Variants in LPGAT1 observed in about 807,000 individuals in gnomAD.
LPGAT1 encodes the protein acyl-CoA:lysophosphatidylglycerol acyltransferase 1.
LPGAT1 carries 11 observed loss-of-function variants against 47.5 expected under a neutral mutation model. That is an observed-to-expected ratio of 0.23 (90% CI 0.15 to 0.38). LPGAT1 has a LOEUF of 0.38. Ranked by LOEUF, LPGAT1 falls within the 10% of genes least tolerant of loss-of-function variation. The pLI, the probability that LPGAT1 is intolerant of heterozygous loss-of-function variation, is 1.00. For missense variants in LPGAT1, 293 were observed against 439.0 expected (o/e 0.67, Z 2.97); for synonymous variants, 138 against 144.2 (o/e 0.96, Z 0.31).
chr1:211,801,229 AT>A (rs773202173), intron 2 of LPGAT1, among the ~76,000 whole-genome samples: 1 of 152,188 alleles, frequency 6.6e-6, no homozygotes, highest in Non-Finnish European at 1.5e-5. Flanking sequence ...AGAAAAGAAT[AT>A]TCTTATCACC....
chr1:211,816,001 G>A (rs184179293), intron 2 of LPGAT1, among the ~76,000 whole-genome samples: 147 of 151,802 alleles, frequency 9.7e-4, no homozygotes, highest in African/African-American at 3.3e-3. Flanking sequence ...CAGGATAGTC[G>A]CAATCTCTTG....
At chr1:211,810,118 T>A (rs1392554276) in intron 2 of LPGAT1, among the ~76,000 whole-genome samples, 8 of 152,130 alleles carry the variant, frequency 5.3e-5, no homozygotes, top group Admixed American at 5.2e-4. Context: ...CCTGCCTGAA[T>A]GAATTAGTTG....
chr1:211,804,865 A>G (rs2102576400), intron 2 of LPGAT1, among the ~76,000 whole-genome samples: 1 of 152,250 alleles, frequency 6.6e-6, no homozygotes, highest in South Asian at 2.1e-4. Context: ...ACGTTAAGTC[A>G]CAAAAGCAAA....
At chr1:211,750,605 T>C (rs1394496746) in intron 7 of LPGAT1, among the ~76,000 whole-genome samples, 3 of 152,250 alleles carry the variant, frequency 2.0e-5, no homozygotes, top group Non-Finnish European at 4.4e-5. Context: ...AAAGTAGTTG[T>C]ATAACACTGA....
At chr1:211,807,920 T>TG (rs1344157377) in intron 2 of LPGAT1, among the ~76,000 whole-genome samples, 25 of 152,268 alleles carry the variant, frequency 1.6e-4, no homozygotes, top group Admixed American at 5.2e-4. Flanking sequence ...TATTCTGGCT[T>TG]GGGGGCTGCC....
chr1:211,806,566 T>G (rs970380936), intron 2 of LPGAT1, among the ~76,000 whole-genome samples: 2 of 152,138 alleles, frequency 1.3e-5, no homozygotes, highest in Non-Finnish European at 2.9e-5. Flanking sequence ...AAGCTACCTA[T>G]TAGGTACTGT....
chr1:211,779,771 G>A (rs1455173313), intron 5 of LPGAT1, among the ~76,000 whole-genome samples: 1 of 152,020 alleles, frequency 6.6e-6, no homozygotes. Context: ...GCAATCACTT[G>A]AACCCAGGAG....
intron 2 of LPGAT1, among the ~76,000 whole-genome samples, chr1:211,823,619 C>A (rs142066827): frequency 6.8e-4 from 104 of 152,134 alleles, no homozygotes; most frequent in African/African-American, 2.4e-3. Flanking sequence ...CCACAGATAA[C>A]TGAAGTTCAA....
intron 6 of LPGAT1, 33 bp downstream of exon 6, chr1:211,778,885 G>A: frequency 6.6e-7 from 1 of 1,516,288 alleles, no homozygotes; most frequent in Non-Finnish European, 8.8e-7. Context: ...AGTATTGTTG[G>A]ATATATACTG....
intron 3 of LPGAT1, 83 bp from the exon 4 acceptor site, chr1:211,787,810 A>G (rs1447941581): frequency 1.2e-6 from 1 of 800,414 alleles, no homozygotes; most frequent in East Asian, 2.6e-5. Flanking sequence ...TTTAAATATA[A>G]TCATCCAAGC....
At position 211,820,812 on chromosome 1, in the gene LPGAT1, T is replaced by C. The variant is rs540219931; in HGVS notation, c.238+8247A>G. Among the ~76,000 whole-genome samples the C allele has an allele frequency of 5.9e-5, 9 of 152,222 alleles. No individual in the cohort carries two copies. The South Asian group carries it at 1.9e-3, about 32-fold the overall frequency. ...AAGATATGATTAAAGAAAACTTTCC[T>C]GAAATGAAAATACGTTTGAATCTAA... On this transcript the variant is annotated intron_variant, in intron 2 of 7. Transcript: ENST00000366997.
At chr1:211,793,852 A>C (rs1193231716) in intron 2 of LPGAT1, among the ~76,000 whole-genome samples, 1 of 152,264 alleles carries the variant, frequency 6.6e-6, no homozygotes, top group African/African-American at 2.4e-5. Context: ...TTCACCAACA[A>C]GGGAATGGAC....
rs893392583 is a variant in LPGAT1, at chr1:211,743,538, T to G, written c.*6361A>C. The stretch of plus-strand genomic sequence containing the variant: ...ACGCCTGCTCATACAGCTGACTTCT[T>G]AGAGCCAAAAGAGAATTTTTTTCCT... On this transcript the variant is annotated 3_prime_UTR_variant, in exon 8 of 8. Transcript: ENST00000366997. 9.1e-6 allele frequency: 1 copy of G among 110,186 alleles called. No homozygotes were observed. The highest frequency in any genetic ancestry group is 1.8e-5 in the Non-Finnish European group (1 of 54,868). 6.8% of individuals were successfully genotyped at this position (110,186 alleles called of 1,614,324 possible).
chr1:211,827,915 G>A (rs1660589051), intron 2 of LPGAT1, among the ~76,000 whole-genome samples: 1 of 152,226 alleles, frequency 6.6e-6, no homozygotes, highest in African/African-American at 2.4e-5. Flanking sequence ...ACTGCCTGAA[G>A]GAGAAAAGGC....
intron 6 of LPGAT1, among the ~76,000 whole-genome samples, chr1:211,771,375 T>A (rs1470604795): frequency 6.6e-6 from 1 of 152,224 alleles, no homozygotes; most frequent in East Asian, 1.9e-4. Flanking sequence ...TGTCATTAAG[T>A]GACACATGAC....
chr1:211,798,146 A>G (rs1471454854), intron 2 of LPGAT1, among the ~76,000 whole-genome samples: 2 of 152,234 alleles, frequency 1.3e-5, no homozygotes, highest in African/African-American at 4.8e-5. Context: ...CAGAGAGAAG[A>G]AAGGTTGCTT....
At chr1:211,783,654 C>T in intron 4 of LPGAT1, 152 bp from the exon 5 acceptor site, 1 of 569,818 alleles carries the variant, frequency 1.8e-6, no homozygotes, top group Non-Finnish European at 2.9e-6. Context: ...CCCTTTTTGA[C>T]CACAGGGGTA....
chr1:211,830,687 C>G lies in LPGAT1; in HGVS notation c.-142G>C. The G allele has an allele frequency of 8.4e-7, 1 of 1,189,184 alleles. No individual in the cohort carries two copies. Among genetic ancestry groups the G allele is most frequent in the Middle Eastern group, 3.4e-4 (1 of 2,982 alleles). 73.7% of individuals were successfully genotyped at this position (1,189,184 alleles called of 1,614,324 possible). ...GTGGCGGGGCCCTGCCCCGCTCCGG[C>G]TGTGGCGCGGCCCGCGCCCGTTCCC... On this transcript the variant is annotated 5_prime_UTR_variant, in exon 1 of 8. Coordinates refer to ENST00000366997, the MANE Select transcript of LPGAT1 (RefSeq NM_014873.3). This position sits in a 1 kb window ranked among gnomAD's most constrained non-coding sequence, Gnocchi z 5.9.
At chr1:211,809,502 T>C (rs1659886900) in intron 2 of LPGAT1, among the ~76,000 whole-genome samples, 1 of 152,152 alleles carries the variant, frequency 6.6e-6, no homozygotes, top group African/African-American at 2.4e-5. Flanking sequence ...CCTGATATGG[T>C]TTGGCTGTGT....
Sources: allele counts gnomAD v4.1 joint callset (sites outside exome capture counted in the v4.1 genomes callset), GRCh38; gene constraint gnomAD v4.1.1; non-coding constraint Gnocchi (gnomAD v3.1); transcripts MANE v1.5; gene names NCBI Gene and HGNC (gene_info 2026-07-23, HGNC 2026-07-21).